The following GRINA variants were observed in gnomAD, a reference collection of about 807,000 sequenced individuals.
GRINA encodes the protein protein lifeguard 1.
A neutral mutation model predicts 42.5 loss-of-function variants in GRINA; 26 were observed. That is an observed-to-expected ratio of 0.61 (90% CI 0.45 to 0.85). The LOEUF (loss-of-function observed/expected upper bound fraction) is 0.85, where lower values mean the gene tolerates loss of function less well. Among genes scored for constraint, GRINA ranks in the 40% least tolerant of loss-of-function variants. GRINA has a pLI of 0.00. For synonymous variants in GRINA, 256 were observed against 204.2 expected, an observed-to-expected ratio of 1.25 and a Z score of -2.17; for missense variants, 475 against 481.5, an observed-to-expected ratio of 0.99 and a Z score of 0.13.
intron 6 of GRINA, 33 bp from the exon 7 acceptor site, chr8:143,992,659 T>C: frequency 6.2e-7 from 1 of 1,613,940 alleles, no homozygotes; most frequent in Non-Finnish European, 8.5e-7. Context: ...CAGGCAGGCT[T>C]GTCCCTCAAC....
Position 143,991,878 on chromosome 8 carries a change from G to T in GRINA, c.493G>T (p.Val165Leu). The change falls in exon 4 of 7, where the codon GTG becomes TTG. Residue 165 changes from valine (V) to leucine (L), a missense_variant and splice_region_variant. By Grantham distance (32) the Val-to-Leu change is conservative. Around this residue, in one of 2 missense-constraint regions of GRINA, gnomAD observed 321 missense variants for 267.2 expected, o/e 1.20. Transcript: ENST00000395068. Reference protein sequence around the residue: ...KSIRQAFIRKVFLVLTLQLSV... With the variant: ...KSIRQAFIRKLFLVLTLQLSV... Reference sequence around the variant, plus strand: ...TGACTCTGAGCGGCTCCTTCCCCAGGTGTTCCTAGTGCTGACCTTGCAGCT... The same window carrying T: ...TGACTCTGAGCGGCTCCTTCCCCAGTTGTTCCTAGTGCTGACCTTGCAGCT... 1 of 1,610,774 alleles carries T rather than the reference G, an allele frequency of 6.2e-7. No individual in the cohort carries two copies. The highest frequency in any genetic ancestry group is 8.5e-7 in the Non-Finnish European group (1 of 1,177,882).
rs568380194 is a variant in GRINA at position 143,991,288 on chromosome 8, C to A, written c.65C>A (p.Pro22Gln). The change falls in exon 2 of 7, where the codon CCG becomes CAG. Residue 22 changes from proline (P) to glutamine (Q), a missense_variant. By Grantham distance (76) the Pro-to-Gln change is moderately conservative. Around this residue, in one of 2 missense-constraint regions of GRINA, gnomAD observed 321 missense variants for 267.2 expected, o/e 1.20. Transcript: ENST00000395068. ...DNYPPPNPGY[P>Q]GGPQPPMPPY... Reference sequence around the variant, plus strand: ...TATCCTCCCCCCAACCCTGGATATCCGGGGGGGCCCCAGCCACCCATGCCC... The same window carrying A: ...TATCCTCCCCCCAACCCTGGATATCAGGGGGGGCCCCAGCCACCCATGCCC... The A allele has an allele frequency of 3.4e-6, 5 of 1,487,624 alleles. No homozygotes were observed. In the African/African-American group the frequency reaches 4.3e-5, roughly 13 times the overall value. The allele number at this position is 1,487,624 out of a possible 1,614,324, so 92.2% of individuals were successfully genotyped here. A position where few individuals can be genotyped will look rare whatever the true frequency, so the allele number is the denominator to read the frequency against.
chr8:143,990,683 G>C lies in GRINA; in HGVS notation c.-25+484G>C, dbSNP rs979275669. The C allele has an allele frequency of 6.6e-6, 1 of 152,134 alleles. No individual in the cohort carries two copies. Among genetic ancestry groups the C allele is most frequent in the African/African-American group, 2.4e-5 (1 of 41,438 alleles). 9.4% of individuals were successfully genotyped at this position (152,134 alleles called of 1,614,324 possible). On this transcript the variant is annotated intron_variant, in intron 1 of 6. Coordinates refer to ENST00000395068, the MANE Select transcript of GRINA (RefSeq NM_001009184.2). This position sits in a 1 kb window ranked among gnomAD's most constrained non-coding sequence, Gnocchi z 5.6. ...CCAGGGGCCGTTGGGCCCTGTTGTT[G>C]GGCTCGCGGGGGTGGGGGGGCTCGG...
chr8:143,992,166 C>T (rs1242432883), intron 4 of GRINA, 79 bp from the exon 5 acceptor site: 2 of 1,602,362 alleles, frequency 1.2e-6, no homozygotes, highest in East Asian at 2.2e-5. Context: ...CGTGGTTCTC[C>T]TTGTGCTCAT....
chr8:143,992,609 G>T lies in GRINA; in HGVS notation c.966+1G>T. ...ACTGGGCGCTCTGCTCTTCACCTGC[G>T]TGAGTGAGGGGTGACCTTGGCCGGG... On this transcript the variant is annotated splice_donor_variant, in intron 6 of 6. Coordinates refer to ENST00000395068, the MANE Select transcript of GRINA (RefSeq NM_001009184.2). LOFTEE classifies it high-confidence loss of function. The T allele has an allele frequency of 6.2e-7, 1 of 1,614,124 alleles. No homozygotes were observed. Among genetic ancestry groups the T allele is most frequent in the Non-Finnish European group, 8.5e-7 (1 of 1,180,024 alleles).
intron 1 of GRINA, 67 bp from the exon 2 acceptor site, chr8:143,991,133 C>T (rs1834085344): frequency 3.6e-6 from 3 of 836,730 alleles, no homozygotes; most frequent in Non-Finnish European, 3.7e-6. Context: ...GGTGGAGTTG[C>T]GCAGGGCTGG....
intron 1 of GRINA, 102 bp from the exon 2 acceptor site, chr8:143,991,098 G>A: frequency 3.1e-6 from 2 of 639,538 alleles, no homozygotes; most frequent in Middle Eastern, 3.3e-4. Flanking sequence ...GTCTTCCCTT[G>A]CTTCCCCCTG....
chr8:143,992,394 G>A (rs1554750695), intron 5 of GRINA, 21 bp downstream of exon 5: 4 of 1,609,804 alleles, frequency 2.5e-6, no homozygotes, highest in Admixed American at 1.7e-5. Flanking sequence ...TCCCGTGGCT[G>A]GGCTGTGGCC....
In GRINA at chr8:143,993,139, G is replaced by A. The variant is rs1834128910; in HGVS notation, c.*298G>A. ...GAGCCCTGTCTGCCAGCCCACCCCA[G>A]GGACTGGGGGCAGCACCAGGTCCCG... On this transcript the variant is annotated 3_prime_UTR_variant, in exon 7 of 7. Transcript: ENST00000395068. 1.3e-5 allele frequency: 5 copies of A among 380,952 alleles called. No homozygotes were observed. In the South Asian group the frequency reaches 1.3e-4, roughly 10 times the overall value. 23.6% of individuals were successfully genotyped at this position (380,952 alleles called of 1,614,324 possible). A position where few individuals can be genotyped will look rare whatever the true frequency, so the allele number is the denominator to read the frequency against.
Position 143,990,309 on chromosome 8 carries a change from C to T in GRINA, c.-25+110C>T, listed in dbSNP as rs1307383521. On this transcript the variant is annotated intron_variant, in intron 1 of 6. Coordinates refer to ENST00000395068, the MANE Select transcript of GRINA (RefSeq NM_001009184.2). This position sits in a 1 kb window ranked among gnomAD's most constrained non-coding sequence, Gnocchi z 5.6. ...CTTGCGCATCCGAGCGTGGCCGCCT[C>T]GGGTCAGTAAGTTGGTCCGGCCGGG... is the stretch of plus-strand genomic sequence containing the variant. 6.7e-6 allele frequency: 1 copy of T among 150,292 alleles called. No individual in the cohort carries two copies. Among genetic ancestry groups the T allele is most frequent in the Non-Finnish European group, 1.5e-5 (1 of 67,224 alleles). The allele number at this position is 150,292 out of a possible 1,614,324, so 9.3% of individuals were successfully genotyped here.
At position 143,990,141 on chromosome 8, in the gene GRINA, A is replaced by G. The variant is rs1460313944; in HGVS notation, c.-83A>G. On this transcript the variant is annotated 5_prime_UTR_variant, in exon 1 of 7. Coordinates refer to ENST00000395068, the MANE Select transcript of GRINA (RefSeq NM_001009184.2). This position sits in a 1 kb window ranked among gnomAD's most constrained non-coding sequence, Gnocchi z 5.6. ...GGGTGCGGGTGCGGGCGCATCGGCC[A>G]TCACCGCGCGGCCGCGCAGCGGACA... is the stretch of plus-strand genomic sequence containing the variant. 2 of 150,268 alleles carry G rather than the reference A, an allele frequency of 1.3e-5. No homozygotes were observed. The highest frequency in any genetic ancestry group is 6.6e-5 in the Admixed American group (1 of 15,122). 9.3% of individuals were successfully genotyped at this position (150,268 alleles called of 1,614,324 possible).
At chr8:143,992,143 C>T (rs782167163) in intron 4 of GRINA, 65 bp downstream of exon 4, 13 of 1,601,172 alleles carry the variant, frequency 8.1e-6, no homozygotes, top group Middle Eastern at 1.7e-4. Flanking sequence ...CCCACTCTTC[C>T]GGGCCTGGTC....
At position 143,991,501 on chromosome 8, in the gene GRINA, CCTACCCCCAAGGGGG is replaced by C; in HGVS notation, c.288_302del (p.Gly98_Gly102del). On this transcript the variant is annotated inframe_deletion, in exon 2 of 7. Coordinates refer to ENST00000395068, the MANE Select transcript of GRINA (RefSeq NM_001009184.2). ...CCACAAGAGGGCTACCCACAGGGCC[CCTACCCCCAAGGGGG>C]CTACCCCCAGGGGCCATATCCCCAG... 2 of 1,539,322 alleles carry C rather than the reference CCTACCCCCAAGGGGG, an allele frequency of 1.3e-6. No homozygotes were observed. Among genetic ancestry groups the C allele is most frequent in the Non-Finnish European group, 8.7e-7 (1 of 1,148,288 alleles).
intron 2 of GRINA, 43 bp from the exon 3 acceptor site, chr8:143,991,649 A>C: frequency 1.9e-6 from 3 of 1,585,440 alleles, no homozygotes; most frequent in Non-Finnish European, 2.6e-6. Flanking sequence ...GGGCAGGGGG[A>C]GGTGCTTGTG....
Position 143,993,141 on chromosome 8 carries a change from G to T in GRINA, c.*300G>T, listed in dbSNP as rs1001264450. On this transcript the variant is annotated 3_prime_UTR_variant, in exon 7 of 7. Coordinates refer to ENST00000395068, the MANE Select transcript of GRINA (RefSeq NM_001009184.2). ...GCCCTGTCTGCCAGCCCACCCCAGG[G>T]ACTGGGGGCAGCACCAGGTCCCGGG... 14 of 380,438 alleles carry T rather than the reference G, an allele frequency of 3.7e-5. No homozygotes were observed. Among genetic ancestry groups the T allele is most frequent in the Non-Finnish European group, 6.9e-5 (14 of 204,262 alleles). The allele number at this position is 380,438 out of a possible 1,614,324, so 23.6% of individuals were successfully genotyped here. A position where few individuals can be genotyped will look rare whatever the true frequency, so the allele number is the denominator to read the frequency against.
chr8:143,991,874 C>T lies in GRINA; in HGVS notation c.493-4C>T, dbSNP rs782430607. Reference sequence around the variant, plus strand: ...CGGATGACTCTGAGCGGCTCCTTCCCCAGGTGTTCCTAGTGCTGACCTTGC... The same window carrying T: ...CGGATGACTCTGAGCGGCTCCTTCCTCAGGTGTTCCTAGTGCTGACCTTGC... On this transcript the variant is annotated splice_region_variant and splice_polypyrimidine_tract_variant and intron_variant, in intron 3 of 6. Coordinates refer to ENST00000395068, the MANE Select transcript of GRINA (RefSeq NM_001009184.2). 26 of 1,610,506 alleles carry T rather than the reference C, an allele frequency of 1.6e-5. No individual in the cohort carries two copies. The Admixed American group carries it at 4.3e-4, about 27-fold the overall frequency.
chr8:143,992,992 A>G lies in GRINA; in HGVS notation c.*151A>G, dbSNP rs1248747393. The G allele has an allele frequency of 3.1e-6, 2 of 643,926 alleles. No individual in the cohort carries two copies. The highest frequency in any genetic ancestry group is 5.3e-6 in the Non-Finnish European group (2 of 375,136). The allele number at this position is 643,926 out of a possible 1,614,324, so 39.9% of individuals were successfully genotyped here. On this transcript the variant is annotated 3_prime_UTR_variant, in exon 7 of 7. Coordinates refer to ENST00000395068, the MANE Select transcript of GRINA (RefSeq NM_001009184.2). ...CTCTCTCCAACCCTCCTGTATGTAC[A>G]CTGCAGATACTTCCATTTGGACCCG...
chr8:143,993,334 G>T lies in GRINA; in HGVS notation c.*493G>T, dbSNP rs1554750914. ...TGTGCTGAGCCCTGAGGGCAGAGAG[G>T]ATGGCATGTTTCAGGGGAGGGGGAA... On this transcript the variant is annotated 3_prime_UTR_variant, in exon 7 of 7. Coordinates refer to ENST00000395068, the MANE Select transcript of GRINA (RefSeq NM_001009184.2). 8 of 159,452 alleles carry T rather than the reference G, an allele frequency of 5.0e-5. 1 individual carries two copies. The South Asian group carries it at 1.4e-3, about 29-fold the overall frequency. The allele number at this position is 159,452 out of a possible 1,614,324, so 9.9% of individuals were successfully genotyped here.
intron 1 of GRINA, 33 bp from the exon 2 acceptor site, chr8:143,991,167 A>C: frequency 7.8e-7 from 1 of 1,288,942 alleles, no homozygotes; most frequent in South Asian, 1.5e-5. Context: ...CGTCAAGCCA[A>C]CTGTTCCACT....
Sources: gnomAD v4.1 joint callset for allele counts on GRCh38, gnomAD v4.1.1 for gene constraint, gnomAD v4.1.1 regional missense constraint, Gnocchi (gnomAD v3.1) non-coding constraint, MANE v1.5 for transcripts, NCBI Gene and HGNC (gene_info 2026-07-23, HGNC 2026-07-21) for gene names.